RAPGEF6: variants seen among roughly 807,000 people sequenced by gnomAD.
RAPGEF6 encodes Rap guanine nucleotide exchange factor 6, also known as PDZ domain containing guanine nucleotide exchange factor (GEF) 2.
Under a neutral mutation model 171.4 loss-of-function variants are expected in RAPGEF6, and 56 were observed. The observed-to-expected ratio is 0.33, with a 90% CI of 0.26 to 0.41. RAPGEF6 has a LOEUF of 0.41. Ranked by LOEUF, RAPGEF6 falls within the 10% of genes least tolerant of loss-of-function variation. The pLI, the probability that RAPGEF6 is intolerant of heterozygous loss-of-function variation, is 1.00. For missense variants in RAPGEF6, 1,674 were observed against 1,921.4 expected, an observed-to-expected ratio of 0.87 and a Z score of 2.41; for synonymous variants, 692 against 650.1, an observed-to-expected ratio of 1.06 and a Z score of -0.98.
At chr5:131,515,642 G>A (rs185188222) in intron 7 of RAPGEF6, among the ~76,000 whole-genome samples, 25 of 152,288 alleles carry the variant, frequency 1.6e-4, no homozygotes, top group Admixed American at 1.3e-4. Context: ...TGACATGTCC[G>A]AGAGAAAAAC....
intron 1 of RAPGEF6, among the ~76,000 whole-genome samples, chr5:131,615,514 C>G (rs1180377225): frequency 6.6e-6 from 1 of 152,182 alleles, no homozygotes; most frequent in Non-Finnish European, 1.5e-5. Flanking sequence ...GTCTTACAGA[C>G]AGTCTTCGGC....
In RAPGEF6 at chr5:131,424,887, T is replaced by G. The variant is rs540628131; in HGVS notation, c.*2379A>C. 6.6e-5 allele frequency: 10 copies of G among 152,454 alleles called. No homozygotes were observed. In the South Asian group the frequency reaches 2.1e-3, roughly 32 times the overall value. 9.4% of individuals were successfully genotyped at this position (152,454 alleles called of 1,614,324 possible). ...AGGGCACTAGTCTCTTCATTAAGAT[T>G]ATAAATTTATAAAACAAAAACAAAT... is the stretch of plus-strand genomic sequence containing the variant. On this transcript the variant is annotated 3_prime_UTR_variant, in exon 28 of 28. Coordinates refer to ENST00000509018, the MANE Select transcript of RAPGEF6 (RefSeq NM_016340.6).
rs1277597891 is a variant in RAPGEF6 at position 131,433,497 on chromosome 5, A to G, written c.3907T>C (p.Ser1303Pro). The G allele has an allele frequency of 1.9e-6, 3 of 1,613,920 alleles. No homozygotes were observed. Among genetic ancestry groups the G allele is most frequent in the Non-Finnish European group, 2.5e-6 (3 of 1,179,924 alleles). Residue 1303 changes from serine (S) to proline (P), a missense_variant, in exon 25 of 28, where the codon TCC becomes CCC. By Grantham distance (74) the Ser-to-Pro change is moderately conservative. This residue lies in a region of RAPGEF6 where 552 missense variants were observed against 574.2 expected (regional missense o/e 0.96). Coordinates refer to ENST00000509018, the MANE Select transcript of RAPGEF6 (RefSeq NM_016340.6). Reference protein sequence around the residue: ...CSSQALAVPESTGALEKTEHA... With the variant: ...CSSQALAVPEPTGALEKTEHA... ...TCTGTCTTTTCCAATGCCCCAGTGG[A>G]TTCAGGGACTGCCAGGGCCTGAGAG...
chr5:131,576,527 G>T (rs935840276), intron 4 of RAPGEF6, among the ~76,000 whole-genome samples: 1 of 152,164 alleles, frequency 6.6e-6, no homozygotes, highest in Non-Finnish European at 1.5e-5. Context: ...CCTTAAGGCT[G>T]CTCTACTGCC....
chr5:131,550,802 G>C (rs1356971985), intron 5 of RAPGEF6, among the ~76,000 whole-genome samples: 1 of 152,140 alleles, frequency 6.6e-6, no homozygotes, highest in Non-Finnish European at 1.5e-5. Context: ...ATATGCAGCT[G>C]TCACTTCTGG....
rs766859837 is a variant in RAPGEF6, at chr5:131,498,559, C to T, written c.1303G>A (p.Val435Met). 11 of 1,613,534 alleles carry T rather than the reference C, an allele frequency of 6.8e-6. No homozygotes were observed. The highest frequency in any genetic ancestry group is 1.7e-5 in the Admixed American group (1 of 59,982). The change falls in exon 12 of 28, where the codon GTG becomes ATG. Residue 435 changes from valine (V) to methionine (M), a missense_variant. Physicochemically the swap from Val to Met is conservative, Grantham distance 21 (BLOSUM62 1). Around this residue, in one of 3 missense-constraint regions of RAPGEF6, gnomAD observed 1,116 missense variants for 1,321.5 expected, o/e 0.84. Transcript: ENST00000509018. ...IMHLIEEHSI[V>M]DPTYIEDFLL... Reference sequence around the variant, plus strand: ...AAATCTTCTATATAAGTTGGATCCACGATGGAATGTTCTTCTATTAAATGC... The same window carrying T: ...AAATCTTCTATATAAGTTGGATCCATGATGGAATGTTCTTCTATTAAATGC...
chr5:131,615,122 A>G (rs1036625207), intron 1 of RAPGEF6, among the ~76,000 whole-genome samples: 2 of 152,226 alleles, frequency 1.3e-5, no homozygotes, highest in Non-Finnish European at 2.9e-5. Context: ...ACCACTGTTT[A>G]TAAGTGGGAT....
In RAPGEF6 at chr5:131,555,345, T is replaced by C. The variant is rs577139645; in HGVS notation, c.351+6633A>G. ...TACTTGGATATCGCTGCTTCTAAAC[T>C]TTTGCAATGAACAACCCTAGGAAAC... On this transcript the variant is annotated intron_variant, in intron 5 of 27. Transcript: ENST00000509018. Among the ~76,000 whole-genome samples the C allele has an allele frequency of 5.3e-5, 8 of 150,678 alleles. No homozygotes were observed. The East Asian group carries it at 1.2e-3, about 22-fold the overall frequency.
At chr5:131,477,466 T>C (rs994568583) in intron 16 of RAPGEF6, among the ~76,000 whole-genome samples, 1 of 152,228 alleles carries the variant, frequency 6.6e-6, no homozygotes. Context: ...AAACTATTTT[T>C]ACCAGATAGT....
intron 21 of RAPGEF6, among the ~76,000 whole-genome samples, chr5:131,448,331 A>T (rs1752851612): frequency 5.3e-5 from 8 of 152,242 alleles, no homozygotes; most frequent in Admixed American, 5.2e-4. Context: ...ATGTGAATAA[A>T]AATATTGATT....
Position 131,510,298 on chromosome 5 carries a change from C to G in RAPGEF6, c.805+16G>C, listed in dbSNP as rs1305143567. On this transcript the variant is annotated intron_variant, in intron 8 of 27. Transcript: ENST00000509018. ...TTAAGTTACAAATTCTTATTGTGAA[C>G]ACATATATTTCTTACCAATGTCATC... 1.9e-6 allele frequency: 3 copies of G among 1,595,458 alleles called. No individual in the cohort carries two copies. In the African/African-American group the frequency reaches 4.1e-5, roughly 22 times the overall value.
chr5:131,602,661 T>C (rs1459448284), intron 3 of RAPGEF6, among the ~76,000 whole-genome samples: 4 of 152,106 alleles, frequency 2.6e-5, no homozygotes, highest in African/African-American at 7.2e-5. Context: ...CTTGGGAGGT[T>C]GAGGCACCAG....
At chr5:131,501,042 G>A (rs568004216) in intron 11 of RAPGEF6, among the ~76,000 whole-genome samples, 1 of 150,998 alleles carries the variant, frequency 6.6e-6, no homozygotes, top group Admixed American at 6.6e-5. Flanking sequence ...CAAAGTGCTG[G>A]GATTACATGT....
intron 22 of RAPGEF6, 129 bp from the exon 23 acceptor site, chr5:131,442,666 TAGC>T (rs1266046062): frequency 2.0e-5 from 28 of 1,381,608 alleles, no homozygotes; most frequent in South Asian, 5.0e-5. Context: ...TAATTTTTCT[TAGC>T]AGGAATTTCA....
intron 16 of RAPGEF6, among the ~76,000 whole-genome samples, chr5:131,477,414 G>A (rs1050893434): frequency 6.6e-6 from 1 of 152,096 alleles, no homozygotes; most frequent in Non-Finnish European, 1.5e-5. Context: ...TTTCTTGTTG[G>A]CACAAAGCAA....
In RAPGEF6 at chr5:131,537,118, C is replaced by T. The variant is rs114876155; in HGVS notation, c.495+10929G>A. On this transcript the variant is annotated intron_variant, in intron 6 of 27. Coordinates refer to ENST00000509018, the MANE Select transcript of RAPGEF6 (RefSeq NM_016340.6). ...TGTTATTCCCCTTCCAACTGGAACA[C>T]TGTCATAATCAGTCTTAGACCACTG... is the stretch of plus-strand genomic sequence containing the variant. Among the ~76,000 whole-genome samples, 1,171 of 152,338 alleles carry T rather than the reference C, an allele frequency of 7.7e-3. 13 individuals carry two copies. The highest frequency in any genetic ancestry group is 0.012 in the Non-Finnish European group (800 of 68,022).
At chr5:131,521,131 T>C (rs911530242) in intron 7 of RAPGEF6, among the ~76,000 whole-genome samples, 1 of 152,206 alleles carries the variant, frequency 6.6e-6, no homozygotes, top group Non-Finnish European at 1.5e-5. Context: ...CATTAGATAT[T>C]AATATGGATT....
At chr5:131,521,582 C>T (rs1356248797) in intron 6 of RAPGEF6, 61 bp from the exon 7 acceptor site, 24 of 1,495,822 alleles carry the variant, frequency 1.6e-5, no homozygotes, top group Admixed American at 2.2e-5. Context: ...TAAGCGGTTT[C>T]GACATGTTCA....
At chr5:131,528,313 T>TATTATATATATATATATATATATATATA (rs1251388931) in intron 6 of RAPGEF6, among the ~76,000 whole-genome samples, 1 of 48,846 alleles carries the variant, frequency 2.0e-5, no homozygotes, top group Non-Finnish European at 4.5e-5. Context: ...TATATTTATA[T>TATTATATATATATATATATATATATATA]TATATATATA....
Sources: gnomAD v4.1 joint callset for allele counts (sites outside exome capture counted in the v4.1 genomes callset) on GRCh38, gnomAD v4.1.1 for gene constraint, gnomAD v4.1.1 regional missense constraint, MANE v1.5 for transcripts, NCBI Gene and HGNC (gene_info 2026-07-23, HGNC 2026-07-21) for gene names.